AGBL1: variants seen among roughly 807,000 people sequenced by gnomAD.
AGBL1 encodes the protein AGBL carboxypeptidase 1.
AGBL1 carries 130 observed loss-of-function variants against 118.9 expected under a neutral mutation model. The ratio of observed to expected loss-of-function variants is 1.09; its 90% CI spans 0.95 to 1.26. AGBL1 has a LOEUF of 1.26. Ranked by LOEUF, AGBL1 falls within the 50% of genes most tolerant of loss-of-function variation. AGBL1 has a pLI of 0.00. For missense variants in AGBL1, 1,584 were observed against 1,298.1 expected (o/e 1.22, Z -3.38); for synonymous variants, 555 against 478.9 (o/e 1.16, Z -2.08).
intron 22 of AGBL1, among the ~76,000 whole-genome samples, chr15:86,749,325 G>A (rs1268314359): frequency 2.0e-5 from 3 of 152,074 alleles, no homozygotes; most frequent in African/African-American, 7.2e-5. Flanking sequence ...TATTATTGGC[G>A]TATAAGAATG....
intron 18 of AGBL1, among the ~76,000 whole-genome samples, chr15:86,511,422 C>T (rs573465870): frequency 6.6e-6 from 1 of 152,100 alleles, no homozygotes; most frequent in African/African-American, 2.4e-5. Flanking sequence ...TCTTCCCCAT[C>T]CCTTTTCATC....
At chr15:86,779,659 T>C (rs547817713) in intron 22 of AGBL1, among the ~76,000 whole-genome samples, 5 of 152,370 alleles carry the variant, frequency 3.3e-5, no homozygotes, top group Non-Finnish European at 5.9e-5. Flanking sequence ...TGGAGAATTC[T>C]GATGATCCAC....
intron 18 of AGBL1, among the ~76,000 whole-genome samples, chr15:86,446,370 C>A (rs371062669): frequency 6.6e-6 from 1 of 152,164 alleles, no homozygotes; most frequent in South Asian, 2.1e-4. Context: ...CTCTTCTGAG[C>A]CAGAGAAGCT....
chr15:86,559,340 A>C (rs567781398), intron 21 of AGBL1, among the ~76,000 whole-genome samples: 1 of 152,354 alleles, frequency 6.6e-6, no homozygotes, highest in African/African-American at 2.4e-5. Flanking sequence ...AGAAAACACA[A>C]AATTATCTCC....
intron 22 of AGBL1, among the ~76,000 whole-genome samples, chr15:86,835,020 A>C (rs1456863660): frequency 6.6e-6 from 1 of 152,170 alleles, no homozygotes; most frequent in Non-Finnish European, 1.5e-5. Flanking sequence ...TGCAGTGAAC[A>C]GTTTAGTAAG....
At chr15:86,788,615 A>G (rs888164157) in intron 22 of AGBL1, among the ~76,000 whole-genome samples, 4 of 152,214 alleles carry the variant, frequency 2.6e-5, no homozygotes, top group Non-Finnish European at 5.9e-5. Context: ...GTCATAGGCA[A>G]TTAGTAAATA....
At chr15:86,296,414 C>T (rs1206208356) in intron 17 of AGBL1, 1 of 148,902 alleles carries the variant, frequency 6.7e-6, no homozygotes, top group Non-Finnish European at 1.5e-5. Flanking sequence ...ACAGCCTTCC[C>T]TGATGAAGAC....
intron 6 of AGBL1, among the ~76,000 whole-genome samples, chr15:86,228,014 AT>A (rs1423822632): frequency 2.0e-5 from 3 of 152,204 alleles, no homozygotes; most frequent in African/African-American, 7.2e-5. Context: ...TAATAACAGC[AT>A]GCTAGGCAGC....
intron 1 of AGBL1, among the ~76,000 whole-genome samples, chr15:86,096,113 C>T (rs1236005668): frequency 6.6e-6 from 1 of 151,890 alleles, no homozygotes; most frequent in African/African-American, 2.4e-5. Flanking sequence ...ATCATTTTAA[C>T]TTAACATTAT....
At chr15:86,113,242 CTTTTCTTTTCT>C (rs1438423937) in intron 1 of AGBL1, among the ~76,000 whole-genome samples, 28 of 68,290 alleles carry the variant, frequency 4.1e-4, no homozygotes, top group South Asian at 2.6e-3. Flanking sequence ...CTTTTCTTTT[CTTTTCTTTTCT>C]TTTCTTTCTT....
At chr15:86,618,318 A>C (rs1405333432) in intron 21 of AGBL1, among the ~76,000 whole-genome samples, 1 of 152,190 alleles carries the variant, frequency 6.6e-6, no homozygotes, top group East Asian at 1.9e-4. Flanking sequence ...GATGAGGCTA[A>C]GATGATTTAA....
rs2080398282 is a variant in AGBL1 at position 86,914,770 on chromosome 15, A to G, written c.*7476A>G. The G allele has an allele frequency of 6.6e-6, 1 of 152,316 alleles. No individual in the cohort carries two copies. Among genetic ancestry groups the G allele is most frequent in the South Asian group, 2.1e-4 (1 of 4,826 alleles). The allele number at this position is 152,316 out of a possible 1,614,324, so 9.4% of individuals were successfully genotyped here. On this transcript the variant is annotated 3_prime_UTR_variant, in exon 23 of 23. Coordinates refer to ENST00000614907, the MANE Select transcript of AGBL1 (RefSeq NM_001386094.1). ...GGACTCTTAAACTTGCTCTCCAAGG[A>G]AAAACATCTTTCTTCAAAGACCCCT...
chr15:86,963,966 G>C (rs1043356726), intron 23 of AGBL1, among the ~76,000 whole-genome samples: 1 of 149,954 alleles, frequency 6.7e-6, no homozygotes, highest in African/African-American at 2.4e-5. Context: ...TAGAAAGCCA[G>C]CTCTGCAAGC....
At chr15:86,819,763 A>C (rs529327039) in intron 22 of AGBL1, among the ~76,000 whole-genome samples, 8 of 152,270 alleles carry the variant, frequency 5.3e-5, no homozygotes, top group Admixed American at 3.9e-4. Flanking sequence ...ACTACCATTA[A>C]CTTTCTTCAC....
chr15:86,370,561 C>T (rs2080957538), intron 17 of AGBL1, among the ~76,000 whole-genome samples: 1 of 152,126 alleles, frequency 6.6e-6, no homozygotes, highest in African/African-American at 2.4e-5. Flanking sequence ...TCCCAAAGTT[C>T]TGGGATTACA....
chr15:86,182,300 T>G (rs79275183), intron 5 of AGBL1, among the ~76,000 whole-genome samples: 1 of 152,018 alleles, frequency 6.6e-6, no homozygotes, highest in South Asian at 2.1e-4. Context: ...CTTCCCTTTC[T>G]CTTCTCTCCC....
Position 86,751,416 on chromosome 15 carries a change from A to G in AGBL1, c.3158+76980A>G, listed in dbSNP as rs137953746. 6.8e-3 allele frequency among the ~76,000 whole-genome samples: 1,043 copies of G among 152,282 alleles called. 9 individuals carry two copies. Among genetic ancestry groups the G allele is most frequent in the Non-Finnish European group, 0.011 (777 of 68,012 alleles). Reference sequence around the variant, plus strand: ...AGACTTAAACATAAAACCCCAAACAATAACAACTCTGGAAGACAACCTAGG... The same window carrying G: ...AGACTTAAACATAAAACCCCAAACAGTAACAACTCTGGAAGACAACCTAGG... On this transcript the variant is annotated intron_variant, in intron 22 of 22. Transcript: ENST00000614907.
At chr15:86,432,298 A>G (rs1278816456) in intron 18 of AGBL1, among the ~76,000 whole-genome samples, 1 of 152,160 alleles carries the variant, frequency 6.6e-6, no homozygotes, top group Admixed American at 6.5e-5. Flanking sequence ...CATCCATGAC[A>G]TCACATTACA....
rs74346552 is a variant in AGBL1, at chr15:86,624,282, T to C, written c.2995-49991T>C. Among the ~76,000 whole-genome samples the C allele has an allele frequency of 4.9e-3, 747 of 152,356 alleles. 5 individuals are homozygous for C. Among genetic ancestry groups the C allele is most frequent in the East Asian group, 0.017 (89 of 5,190 alleles). On this transcript the variant is annotated intron_variant, in intron 21 of 22. Transcript: ENST00000614907. ...GCAAGTGAATTGAATGTTAAAAGTA[T>C]GAGTCTAGCTGATATTGATAGATCA...
Sources: gnomAD v4.1 joint callset for allele counts (sites outside exome capture counted in the v4.1 genomes callset) on GRCh38, gnomAD v4.1.1 for gene constraint, MANE v1.5 for transcripts, NCBI Gene and HGNC (gene_info 2026-07-23, HGNC 2026-07-21) for gene names.